FARP2: variants seen among roughly 807,000 people sequenced by gnomAD.
The protein encoded by FARP2 is FERM, ARHGEF and pleckstrin domain-containing protein 2.
FARP2 carries 111 observed loss-of-function variants against 130.5 expected under a neutral mutation model. The observed-to-expected ratio is 0.85, with a 90% CI of 0.73 to 1.00. The LOEUF (loss-of-function observed/expected upper bound fraction) is 1.00. FARP2 is among the 50% of genes least tolerant of loss of function. The probability of loss-of-function intolerance (pLI) is 0.00; values close to 1 mark genes in which losing one functional copy is unlikely to be tolerated. For synonymous variants in FARP2, 504 were observed against 516.9 expected (o/e 0.98, Z 0.34); for missense variants, 1,385 against 1,346.3 (o/e 1.03, Z -0.45).
chr2:241,410,022 T>C (rs918853677), intron 5 of FARP2, among the ~76,000 whole-genome samples: 2 of 152,194 alleles, frequency 1.3e-5, no homozygotes, highest in African/African-American at 4.8e-5. Context: ...CACTGGGGCA[T>C]GAATTCCACT....
chr2:241,478,534 C>T (rs1453219196), intron 19 of FARP2: 6 of 415,984 alleles, frequency 1.4e-5, no homozygotes, highest in South Asian at 4.0e-5. Context: ...AGGCTAACCC[C>T]GACAAGGATG....
chr2:241,437,697 C>G (rs2063277405), intron 12 of FARP2, among the ~76,000 whole-genome samples: 1 of 142,750 alleles, frequency 7.0e-6, no homozygotes, highest in African/African-American at 2.5e-5. Context: ...CGGAGTCTTG[C>G]TCTGTCGCCC....
intron 15 of FARP2, 73 bp from the exon 16 acceptor site, chr2:241,463,262 A>C: frequency 3.9e-6 from 6 of 1,542,552 alleles, no homozygotes; most frequent in Non-Finnish European, 4.4e-6. Flanking sequence ...CTATGGCTAC[A>C]GGCCCTCAGG....
At chr2:241,368,458 G>C (rs148969707) in intron 1 of FARP2, among the ~76,000 whole-genome samples, 3 of 152,084 alleles carry the variant, frequency 2.0e-5, no homozygotes, top group Non-Finnish European at 4.4e-5. Flanking sequence ...TAGCCTGTGT[G>C]TTCTTGCCTC....
intron 8 of FARP2, among the ~76,000 whole-genome samples, chr2:241,428,012 C>G (rs1165509808): frequency 6.6e-6 from 1 of 151,906 alleles, no homozygotes; most frequent in Admixed American, 6.6e-5. Context: ...GTGATCCGCC[C>G]GCCTTGGCCT....
At chr2:241,440,061 A>C in intron 12 of FARP2, among the ~76,000 whole-genome samples, 1 of 152,254 alleles carries the variant, frequency 6.6e-6, no homozygotes. Flanking sequence ...TAATTGAGAC[A>C]TGATAAGATC....
At chr2:241,476,918 G>A (rs1261237611) in intron 19 of FARP2, among the ~76,000 whole-genome samples, 1 of 152,020 alleles carries the variant, frequency 6.6e-6, no homozygotes, top group African/African-American at 2.4e-5. Flanking sequence ...AGGAGACTCT[G>A]TTCTGAGGTA....
At chr2:241,364,822 A>G (rs748924144) in intron 1 of FARP2, among the ~76,000 whole-genome samples, 1 of 152,154 alleles carries the variant, frequency 6.6e-6, no homozygotes, top group African/African-American at 2.4e-5. Context: ...CATTTTTAAT[A>G]TATCTTTTCT....
intron 13 of FARP2, among the ~76,000 whole-genome samples, chr2:241,448,875 C>G (rs1004022509): frequency 6.6e-6 from 1 of 152,232 alleles, no homozygotes; most frequent in East Asian, 1.9e-4. Context: ...CCAAATGGCC[C>G]TTGGGAAAGC....
Position 241,411,059 on chromosome 2 carries a change from G to A in FARP2, c.437G>A (p.Arg146Lys), listed in dbSNP as rs759194109. Residue 146 changes from arginine (R) to lysine (K), a missense_variant, in exon 6 of 27, where the codon AGA becomes AAA. Coordinates refer to ENST00000264042, the MANE Select transcript of FARP2 (RefSeq NM_014808.4). ...TACTTGTTTGCCTTGCAACTTAAGA[G>A]AGACCTGCTGGAAGAGCGTTTGACC... ...TRYLFALQLK[R>K]DLLEERLTCA... 1 of 1,611,664 alleles carries A rather than the reference G, an allele frequency of 6.2e-7. No homozygotes were observed. The highest frequency in any genetic ancestry group is 1.3e-5 in the African/African-American group (1 of 75,022).
At position 241,494,196 on chromosome 2, in the gene FARP2, G is replaced by T; in HGVS notation, c.*71G>T. ...ACACAGAGGTGACCTCTGTCCTGAG[G>T]CTTCTCAACAGATGGGAAGTGGCTG... On this transcript the variant is annotated 3_prime_UTR_variant, in exon 27 of 27. Transcript: ENST00000264042. The surrounding 1 kb of genome is among the most constrained non-coding windows in gnomAD (Gnocchi z 4.9). 2.2e-6 allele frequency: 2 copies of T among 929,354 alleles called. No homozygotes were observed. The highest frequency in any genetic ancestry group is 2.5e-5 in the South Asian group (1 of 40,548). The allele number at this position is 929,354 out of a possible 1,614,324, so 57.6% of individuals were successfully genotyped here.
At chr2:241,470,756 C>A (rs943210116) in intron 18 of FARP2, among the ~76,000 whole-genome samples, 4 of 151,444 alleles carry the variant, frequency 2.6e-5, no homozygotes, top group Admixed American at 2.0e-4. Flanking sequence ...GGGGTCCATA[C>A]TCTGAGGAGA....
At chr2:241,484,877 G>C (rs141425392) in intron 21 of FARP2, among the ~76,000 whole-genome samples, 2 of 152,144 alleles carry the variant, frequency 1.3e-5, no homozygotes, top group Admixed American at 1.3e-4. Flanking sequence ...CACTTGCCCT[G>C]AGCGTGTCCC....
intron 2 of FARP2, among the ~76,000 whole-genome samples, chr2:241,373,600 T>C (rs1032433049): frequency 3.3e-5 from 5 of 152,202 alleles, no homozygotes; most frequent in African/African-American, 1.2e-4. Flanking sequence ...CCTTCCCAGC[T>C]TAAGCCACCT....
At chr2:241,401,924 G>A (rs1394678400) in intron 2 of FARP2, among the ~76,000 whole-genome samples, 1 of 151,976 alleles carries the variant, frequency 6.6e-6, no homozygotes, top group African/African-American at 2.4e-5. Flanking sequence ...TGAGTATCTG[G>A]GATTACAGGC....
chr2:241,476,690 A>AAAATAAAAT (rs2064475786), intron 19 of FARP2, among the ~76,000 whole-genome samples: 1 of 152,196 alleles, frequency 6.6e-6, no homozygotes. Context: ...ACTCCGTCTC[A>AAAATAAAAT]AAATAAAATA....
At chr2:241,470,563 G>T (rs186775243) in intron 18 of FARP2, among the ~76,000 whole-genome samples, 6 of 151,420 alleles carry the variant, frequency 4.0e-5, no homozygotes, top group African/African-American at 1.5e-4. Flanking sequence ...TTCTGAGGGG[G>T]GACTCTGTTT....
intron 8 of FARP2, among the ~76,000 whole-genome samples, chr2:241,425,807 C>G (rs961995523): frequency 7.0e-6 from 1 of 142,986 alleles, no homozygotes; most frequent in Non-Finnish European, 1.5e-5. Context: ...TGCAATGTCA[C>G]TGCAATGGCA....
chr2:241,408,402 G>A (rs2150357568), intron 5 of FARP2, among the ~76,000 whole-genome samples: 1 of 151,922 alleles, frequency 6.6e-6, no homozygotes, highest in Middle Eastern at 3.4e-3. Flanking sequence ...AATTATCCAG[G>A]CGTGGTGGCA....
Sources: gnomAD v4.1 joint callset for allele counts (sites outside exome capture counted in the v4.1 genomes callset) on GRCh38, gnomAD v4.1.1 for gene constraint, Gnocchi (gnomAD v3.1) non-coding constraint, MANE v1.5 for transcripts, NCBI Gene and HGNC (gene_info 2026-07-23, HGNC 2026-07-21) for gene names.